Variants in PARD3 observed in about 807,000 individuals in gnomAD.
PARD3 encodes the protein par-3 family cell polarity regulator.
Under a neutral mutation model 155.4 loss-of-function variants are expected in PARD3, and 75 were observed. The ratio of observed to expected loss-of-function variants is 0.48; its 90% CI spans 0.40 to 0.58. The LOEUF is 0.58. Among genes scored for constraint, PARD3 ranks in the 20% least tolerant of loss-of-function variants. The probability of loss-of-function intolerance (pLI) is 0.00; values close to 1 mark genes in which losing one functional copy is unlikely to be tolerated. For synonymous variants in PARD3, 576 were observed against 610.5 expected, an observed-to-expected ratio of 0.94 and a Z score of 0.83; for missense variants, 1,642 against 1,721.7, an observed-to-expected ratio of 0.95 and a Z score of 0.82.
At position 34,110,421 on chromosome 10, in the gene PARD3, C is replaced by A. The variant is rs1057354740; in HGVS notation, c.*748G>T. Reference sequence around the variant, plus strand: ...CAGCTTCCCCCGGCAGGAGCCACTCCTGTCTCCCACGTTCCCCACACAGAG... The same window carrying A: ...CAGCTTCCCCCGGCAGGAGCCACTCATGTCTCCCACGTTCCCCACACAGAG... On this transcript the variant is annotated 3_prime_UTR_variant, in exon 25 of 25. Coordinates refer to ENST00000374788, the MANE Select transcript of PARD3 (RefSeq NM_001184785.2). 5 of 152,264 alleles carry A rather than the reference C, an allele frequency of 3.3e-5. No individual in the cohort carries two copies. The highest frequency in any genetic ancestry group is 1.2e-4 in the African/African-American group (5 of 41,450). The allele number at this position is 152,264 out of a possible 1,614,324, so 9.4% of individuals were successfully genotyped here.
chr10:34,180,971 C>G (rs1018127765), intron 22 of PARD3, among the ~76,000 whole-genome samples: 6 of 152,108 alleles, frequency 3.9e-5, no homozygotes, highest in African/African-American at 1.4e-4. Flanking sequence ...TATTTTTGGT[C>G]ACCAGGGGAG....
chr10:34,306,018 G>T (rs980931910), intron 20 of PARD3, among the ~76,000 whole-genome samples: 21 of 151,728 alleles, frequency 1.4e-4, no homozygotes, highest in Admixed American at 1.4e-3. Flanking sequence ...ATTAAGCTGG[G>T]CACGGTAGCT....
intron 5 of PARD3, among the ~76,000 whole-genome samples, chr10:34,435,789 G>T (rs780813031): frequency 2.6e-5 from 4 of 152,072 alleles, no homozygotes; most frequent in Non-Finnish European, 4.4e-5. Flanking sequence ...CCCCGCTTTG[G>T]GATATACTAA....
intron 2 of PARD3, among the ~76,000 whole-genome samples, chr10:34,671,380 T>C (rs1253473446): frequency 6.6e-6 from 1 of 152,208 alleles, no homozygotes; most frequent in Admixed American, 6.5e-5. Context: ...ACTTTCCCAT[T>C]AAATAGGATG....
intron 1 of PARD3, among the ~76,000 whole-genome samples, chr10:34,746,133 CAAAG>C (rs957625125): frequency 3.3e-5 from 5 of 151,706 alleles, no homozygotes; most frequent in African/African-American, 7.3e-5. Flanking sequence ...AATTAAGAAA[CAAAG>C]AAGCCACTAA....
intron 3 of PARD3, among the ~76,000 whole-genome samples, chr10:34,505,956 T>C (rs747015698): frequency 4.6e-5 from 7 of 151,992 alleles, no homozygotes; most frequent in Non-Finnish European, 7.4e-5. Flanking sequence ...TGAAAGCCCA[T>C]TGCTACTAAA....
chr10:34,192,954 A>G (rs1950781047), intron 22 of PARD3, among the ~76,000 whole-genome samples: 1 of 152,324 alleles, frequency 6.6e-6, no homozygotes, highest in Middle Eastern at 3.4e-3. Flanking sequence ...TGACATTCCA[A>G]TTCTTAGCTT....
intron 1 of PARD3, among the ~76,000 whole-genome samples, chr10:34,750,194 T>G (rs1214582404): frequency 2.0e-5 from 3 of 151,538 alleles, no homozygotes; most frequent in Non-Finnish European, 2.9e-5. Flanking sequence ...TCGCAAAAAT[T>G]ATGAAAACAA....
chr10:34,760,200 C>T (rs890946696), intron 1 of PARD3, among the ~76,000 whole-genome samples: 7 of 128,436 alleles, frequency 5.5e-5, no homozygotes, highest in Admixed American at 5.3e-4. Context: ...GACAGCGCAG[C>T]GGTGTAGAAA....
chr10:34,652,363 T>C (rs145903028), intron 2 of PARD3, among the ~76,000 whole-genome samples: 6 of 152,308 alleles, frequency 3.9e-5, no homozygotes, highest in South Asian at 4.1e-4. Context: ...CAAGAAGCTT[T>C]CACATATGGG....
At chr10:34,574,916 AAC>A (rs2086766594) in intron 2 of PARD3, among the ~76,000 whole-genome samples, 1 of 152,220 alleles carries the variant, frequency 6.6e-6, no homozygotes, top group African/African-American at 2.4e-5. Flanking sequence ...TTTTATCCAG[AAC>A]AGTTTCCACA....
chr10:34,591,250 C>G (rs376168479), intron 2 of PARD3, among the ~76,000 whole-genome samples: 3 of 152,256 alleles, frequency 2.0e-5, no homozygotes, highest in Admixed American at 6.5e-5. Flanking sequence ...TACTTTATCT[C>G]TGTGTGTGCC....
At chr10:34,312,802 C>G (rs910051564) in intron 20 of PARD3, among the ~76,000 whole-genome samples, 1 of 152,134 alleles carries the variant, frequency 6.6e-6, no homozygotes. Flanking sequence ...AATAAGGTCA[C>G]GTCTAAGAAC....
intron 22 of PARD3, among the ~76,000 whole-genome samples, chr10:34,227,539 G>A (rs1336058688): frequency 6.6e-6 from 1 of 152,198 alleles, no homozygotes. Context: ...TCAGGAGGCT[G>A]AGGCAAGAGA....
intron 1 of PARD3, among the ~76,000 whole-genome samples, chr10:34,721,938 G>A (rs533322377): frequency 6.6e-6 from 1 of 152,308 alleles, no homozygotes; most frequent in South Asian, 2.1e-4. Flanking sequence ...AGAGCTTTGG[G>A]AGGCCAAACC....
intron 22 of PARD3, among the ~76,000 whole-genome samples, chr10:34,151,416 G>GTT (rs60968002): frequency 2.0e-5 from 3 of 151,294 alleles, no homozygotes; most frequent in African/African-American, 7.3e-5. Flanking sequence ...GAGAAGAGAG[G>GTT]TTTTTTTTTA....
At chr10:34,253,251 G>C (rs573218986) in intron 22 of PARD3, among the ~76,000 whole-genome samples, 7 of 152,296 alleles carry the variant, frequency 4.6e-5, no homozygotes, top group Admixed American at 3.9e-4. Context: ...AAAGTAGTTT[G>C]TGTCAAGTAG....
At position 34,666,816 on chromosome 10, in the gene PARD3, T is replaced by TATATATATATAC. The variant is rs765552982; in HGVS notation, c.222+29501_222+29502insGTATATATATAT. On this transcript the variant is annotated intron_variant, in intron 2 of 24. Coordinates refer to ENST00000374788, the MANE Select transcript of PARD3 (RefSeq NM_001184785.2). ...AAAAAAATATATATATATATATATA[T>TATATATATATAC]ACACACACACACACACACACAAACA... Among the ~76,000 whole-genome samples the TATATATATATAC allele has an allele frequency of 5.6e-3, 496 of 88,716 alleles. 9 individuals are homozygous for TATATATATATAC. Among genetic ancestry groups the TATATATATATAC allele is most frequent in the African/African-American group, 9.6e-3 (204 of 21,286 alleles). The allele number at this position is 88,716 out of a possible 152,430, so 58.2% of individuals were successfully genotyped here.
At chr10:34,224,548 C>A (rs376787657) in intron 22 of PARD3, among the ~76,000 whole-genome samples, 28 of 152,194 alleles carry the variant, frequency 1.8e-4, no homozygotes, top group African/African-American at 6.8e-4. Flanking sequence ...AACTCCAGTG[C>A]AGCAAATTTA....
Sources: allele counts gnomAD v4.1 joint callset (sites outside exome capture counted in the v4.1 genomes callset), GRCh38; gene constraint gnomAD v4.1.1; transcripts MANE v1.5; gene names NCBI Gene and HGNC (gene_info 2026-07-23, HGNC 2026-07-21).